Variants in HMGN3 observed in about 807,000 individuals in gnomAD.
HMGN3 encodes the protein high mobility group nucleosome-binding domain-containing protein 3.
A neutral mutation model predicts 18.8 loss-of-function variants in HMGN3; 6 were observed. The ratio of observed to expected loss-of-function variants is 0.32; its 90% CI spans 0.18 to 0.63. The LOEUF (loss-of-function observed/expected upper bound fraction) is 0.63, where lower values mean the gene tolerates loss of function less well. Among genes scored for constraint, HMGN3 ranks in the 30% least tolerant of loss-of-function variants. The pLI is 0.79. For synonymous variants in HMGN3, 40 were observed against 36.5 expected, an observed-to-expected ratio of 1.10 and a Z score of -0.35; for missense variants, 107 against 114.2, an observed-to-expected ratio of 0.94 and a Z score of 0.29.
At chr6:79,209,181 T>C (rs902689254) in intron 2 of HMGN3, among the ~76,000 whole-genome samples, 11 of 152,238 alleles carry the variant, frequency 7.2e-5, no homozygotes, top group African/African-American at 2.7e-4. Flanking sequence ...TAAAAGTGCA[T>C]TACTTTTTCT....
chr6:79,225,663 C>T (rs180712566), intron 1 of HMGN3, among the ~76,000 whole-genome samples: 7 of 152,234 alleles, frequency 4.6e-5, no homozygotes, highest in Non-Finnish European at 4.4e-5. Flanking sequence ...AGTAGCAAAT[C>T]CAGCAGTTCA....
intron 5 of HMGN3, 78 bp from the exon 7 acceptor site, chr6:79,201,804 A>G: frequency 6.4e-7 from 1 of 1,558,788 alleles, no homozygotes; most frequent in Non-Finnish European, 8.6e-7. Context: ...ACCCACCAAC[A>G]CACACAGTTT....
intron 3 of HMGN3, 23 bp downstream of exon 3, chr6:79,208,524 T>C (rs1776529638): frequency 1.3e-6 from 2 of 1,595,076 alleles, no homozygotes; most frequent in East Asian, 4.5e-5. Flanking sequence ...GAACTAACAC[T>C]GAAGTGGTTC....
intron 1 of HMGN3, among the ~76,000 whole-genome samples, chr6:79,232,504 T>G (rs575270362): frequency 5.6e-4 from 85 of 152,234 alleles, no homozygotes; most frequent in African/African-American, 2.0e-3. Flanking sequence ...TGTACACAGT[T>G]TTGCCCCTAG....
At chr6:79,202,236 G>C (rs1470109473) in intron 5 of HMGN3, 40 bp downstream of exon 5, 1 of 1,613,446 alleles carries the variant, frequency 6.2e-7, no homozygotes, top group South Asian at 1.1e-5. Context: ...TTTCTTTAAA[G>C]ACACTGATTC....
At chr6:79,217,268 A>G (rs74509826) in intron 1 of HMGN3, among the ~76,000 whole-genome samples, 10 of 152,292 alleles carry the variant, frequency 6.6e-5, no homozygotes, top group South Asian at 6.2e-4. Context: ...GGAACAATCA[A>G]TCTTTACCGG....
intron 1 of HMGN3, among the ~76,000 whole-genome samples, chr6:79,230,112 A>C (rs1777768541): frequency 1.3e-5 from 2 of 152,236 alleles, no homozygotes; most frequent in South Asian, 4.1e-4. Flanking sequence ...AATAAAAAAG[A>C]ATGATGTACT....
At chr6:79,214,108 A>AT (rs1776837103) in intron 2 of HMGN3, among the ~76,000 whole-genome samples, 3 of 152,004 alleles carry the variant, frequency 2.0e-5, no homozygotes, top group Admixed American at 2.0e-4. Context: ...TCTTTGAATC[A>AT]TTGCCTAATT....
At chr6:79,208,448 C>T in intron 3 of HMGN3, 99 bp downstream of exon 3, 1 of 1,043,846 alleles carries the variant, frequency 9.6e-7, no homozygotes, top group African/African-American at 1.6e-5. Context: ...AAAATAAGCT[C>T]ATGGGAAACC....
intron 2 of HMGN3, among the ~76,000 whole-genome samples, 193 bp from the exon 3 acceptor site, chr6:79,208,769 T>C (rs1383595018): frequency 6.6e-6 from 1 of 152,080 alleles, no homozygotes; most frequent in African/African-American, 2.4e-5. Flanking sequence ...AGAGGAAGTG[T>C]TTCTAAAAAG....
chr6:79,233,893 G>C (rs1423603842), intron 1 of HMGN3: 4 of 152,520 alleles, frequency 2.6e-5, no homozygotes, highest in African/African-American at 9.6e-5. Context: ...CGTCTTCCAC[G>C]CTGCCAACTC....
At position 79,229,803 on chromosome 6, in the gene HMGN3, G is replaced by A. The variant is rs185604186; in HGVS notation, c.15+4743C>T. Among the ~76,000 whole-genome samples the A allele has an allele frequency of 3.6e-3, 546 of 152,172 alleles. 1 individual carries two copies. The highest frequency in any genetic ancestry group is 5.9e-3 in the Non-Finnish European group (402 of 68,004). On this transcript the variant is annotated intron_variant, in intron 1 of 5. Transcript: ENST00000344726. ...TGAGGCAGGAGAATGGTGTGAACCC[G>A]GGAGGCGGAGCTTGCAGTGAGCTGA... is the stretch of plus-strand genomic sequence containing the variant.
chr6:79,232,218 C>T (rs111530247), intron 1 of HMGN3, among the ~76,000 whole-genome samples: 48 of 152,262 alleles, frequency 3.2e-4, no homozygotes, highest in African/African-American at 1.1e-3. Flanking sequence ...CATGGATTGT[C>T]TCCAGTTCTT....
chr6:79,234,165 G>C (rs1189789279), intron 1 of HMGN3: 1 of 195,298 alleles, frequency 5.1e-6, no homozygotes, highest in Non-Finnish European at 1.0e-5. Context: ...GCTTGTACTT[G>C]TTTTTCTCCT....
chr6:79,207,764 G>A (rs1477139158), intron 3 of HMGN3, among the ~76,000 whole-genome samples: 1 of 152,130 alleles, frequency 6.6e-6, no homozygotes, highest in Non-Finnish European at 1.5e-5. Context: ...CTTTCCTGAA[G>A]ACCAAAGTAG....
At chr6:79,221,422 T>G (rs1176141920) in intron 1 of HMGN3, among the ~76,000 whole-genome samples, 1 of 152,208 alleles carries the variant, frequency 6.6e-6, no homozygotes, top group Non-Finnish European at 1.5e-5. Context: ...AACACTCAAA[T>G]GTACTGAAGG....
intron 1 of HMGN3, among the ~76,000 whole-genome samples, chr6:79,232,327 AGATG>A (rs1777883735): frequency 6.6e-6 from 1 of 152,196 alleles, no homozygotes; most frequent in African/African-American, 2.4e-5. Flanking sequence ...CTTGACTGAT[AGATG>A]GATGGCCATG....
intron 1 of HMGN3, among the ~76,000 whole-genome samples, chr6:79,226,101 A>G (rs540245878): frequency 5.9e-5 from 9 of 152,364 alleles, no homozygotes; most frequent in African/African-American, 1.9e-4. Flanking sequence ...GTTAACAGCA[A>G]AATTCCTGAG....
chr6:79,227,198 G>A (rs1043922360), intron 1 of HMGN3, among the ~76,000 whole-genome samples: 1 of 152,080 alleles, frequency 6.6e-6, no homozygotes, highest in Non-Finnish European at 1.5e-5. Context: ...TAGGAAAAGA[G>A]GATCACTTGG....
Sources: allele counts gnomAD v4.1 joint callset (sites outside exome capture counted in the v4.1 genomes callset), GRCh38; gene constraint gnomAD v4.1.1; transcripts MANE v1.5; gene names NCBI Gene and HGNC (gene_info 2026-07-23, HGNC 2026-07-21).